Variants in RMP64 observed in about 807,000 individuals in gnomAD.
The protein encoded by RMP64 is ribonuclease MRP subunit p64.
At chr3:113,008,471 A>C in the RMP64 span, 1 of 1,535,640 alleles carries the variant, frequency 6.5e-7, no homozygotes, top group Non-Finnish European at 9.0e-7. Flanking sequence ...TGGACATGTT[A>C]CTGACTTGTA....
the RMP64 span, chr3:113,010,414 T>G: frequency 5.9e-6 from 3 of 507,032 alleles, no homozygotes; most frequent in South Asian, 8.2e-5. Context: ...TTTAAAATTC[T>G]AGAGAAACTC....
At chr3:113,011,612 T>C in the RMP64 span, 1 of 412,172 alleles carries the variant, frequency 2.4e-6, no homozygotes, top group Non-Finnish European at 4.3e-6. Context: ...CAAAAAACTG[T>C]AAGACAGTCT....
At chr3:113,005,350 T>C in the RMP64 span, 1 of 584,524 alleles carries the variant, frequency 1.7e-6, no homozygotes, top group Non-Finnish European at 3.1e-6. Flanking sequence ...AAAAAAGAAA[T>C]ACTTGTTGAT....
the RMP64 span, among the ~76,000 whole-genome samples, chr3:113,015,428 A>AT: frequency 6.6e-6 from 1 of 152,186 alleles, no homozygotes; most frequent in Non-Finnish European, 1.5e-5. Context: ...GAAGATTGCA[A>AT]TTTTAAATAG....
At chr3:113,012,284 G>T in the RMP64 span, among the ~76,000 whole-genome samples, 1 of 152,168 alleles carries the variant, frequency 6.6e-6, no homozygotes, top group Non-Finnish European at 1.5e-5. Context: ...ATTAGAAACC[G>T]AGTGACAGAA....
At chr3:113,019,661 A>G in the RMP64 span, 3 of 1,607,914 alleles carry the variant, frequency 1.9e-6, no homozygotes, top group African/African-American at 4.0e-5. Flanking sequence ...AGGCGGGGGG[A>G]CTTACGAAAG....
the RMP64 span, among the ~76,000 whole-genome samples, chr3:113,007,358 A>G: frequency 2.6e-5 from 4 of 152,206 alleles, no homozygotes; most frequent in Non-Finnish European, 1.5e-5. Context: ...AAGAAAATTT[A>G]ACAAATTTTC....
the RMP64 span, chr3:113,019,596 G>A: frequency 6.2e-7 from 1 of 1,613,882 alleles, no homozygotes; most frequent in Non-Finnish European, 8.5e-7. Context: ...CCCGCCTTAG[G>A]GATTCTCACA....
the RMP64 span, chr3:113,017,559 T>TATGAC: frequency 1.2e-6 from 2 of 1,613,970 alleles, no homozygotes; most frequent in African/African-American, 1.3e-5. Context: ...TCAGCGACAG[T>TATGAC]ATGACGAGAT....
the RMP64 span, chr3:113,013,137 C>T: frequency 2.1e-6 from 2 of 948,602 alleles, no homozygotes; most frequent in Non-Finnish European, 3.2e-6. Flanking sequence ...GAAAAGGAGG[C>T]CAAGAAGCAA....
the RMP64 span, chr3:113,011,001 G>A: frequency 6.6e-7 from 1 of 1,508,904 alleles, no homozygotes; most frequent in Non-Finnish European, 8.9e-7. Flanking sequence ...CTTTTTATTT[G>A]TTTTTTGTTT....
chr3:113,014,023 A>G, the RMP64 span: 1 of 1,611,028 alleles, frequency 6.2e-7, no homozygotes, highest in Non-Finnish European at 8.5e-7. Context: ...CGCTTTAAAC[A>G]TTGCTCAACC....
chr3:113,010,513 C>A, the RMP64 span: 10 of 695,488 alleles, frequency 1.4e-5, no homozygotes, highest in Non-Finnish European at 2.5e-5. Flanking sequence ...GAAGCACACA[C>A]TGACAACTAA....
chr3:113,018,034 TCA>T, the RMP64 span, among the ~76,000 whole-genome samples: 9 of 152,308 alleles, frequency 5.9e-5, no homozygotes, highest in African/African-American at 2.2e-4. Context: ...ATGAATAAAT[TCA>T]CAGTCTTCAA....
At chr3:113,011,460 T>A in the RMP64 span, 1 of 1,468,810 alleles carries the variant, frequency 6.8e-7, no homozygotes, top group Non-Finnish European at 9.2e-7. Context: ...ATTTGCAGAT[T>A]ACATAATAAA....
At chr3:113,015,566 A>G in the RMP64 span, among the ~76,000 whole-genome samples, 1 of 150,564 alleles carries the variant, frequency 6.6e-6, no homozygotes, top group Non-Finnish European at 1.5e-5. Context: ...CCCTACATGT[A>G]CTCCACAGAA....
chr3:113,018,609 G>C, the RMP64 span, among the ~76,000 whole-genome samples: 42 of 152,246 alleles, frequency 2.8e-4, no homozygotes, highest in African/African-American at 9.6e-4. Context: ...TGAAAAGAGG[G>C]ATGAGGAAAG....
At chr3:113,013,534 G>C in the RMP64 span, 1 of 811,982 alleles carries the variant, frequency 1.2e-6, no homozygotes, top group East Asian at 2.7e-5. Flanking sequence ...GAGATGCATA[G>C]GGCAAGGTAT....
chr3:113,009,263 T>C, the RMP64 span, among the ~76,000 whole-genome samples: 1 of 151,924 alleles, frequency 6.6e-6, no homozygotes, highest in Non-Finnish European at 1.5e-5. Context: ...GCCTACGAGA[T>C]GATCTGCTCT....
Sources: allele counts gnomAD v4.1 joint callset (sites outside exome capture counted in the v4.1 genomes callset), GRCh38; gene constraint gnomAD v4.1.1; transcripts MANE v1.5; gene names NCBI Gene and HGNC (gene_info 2026-07-23, HGNC 2026-07-21).